CDH18: variants seen among roughly 807,000 people sequenced by gnomAD.
CDH18 encodes cadherin-18.
A neutral mutation model predicts 67.9 loss-of-function variants in CDH18; 31 were observed. That is an observed-to-expected ratio of 0.46 (90% CI 0.34 to 0.62). The LOEUF (loss-of-function observed/expected upper bound fraction) is 0.62, where lower values mean the gene tolerates loss of function less well. Among genes scored for constraint, CDH18 ranks in the 20% least tolerant of loss-of-function variants. The pLI, the probability that CDH18 is intolerant of heterozygous loss-of-function variation, is 0.01. For synonymous variants in CDH18, 362 were observed against 347.2 expected, an observed-to-expected ratio of 1.04 and a Z score of -0.48; for missense variants, 890 against 975.5, an observed-to-expected ratio of 0.91 and a Z score of 1.17.
intron 5 of CDH18, among the ~76,000 whole-genome samples, chr5:19,669,158 T>C (rs1401450086): frequency 2.7e-5 from 4 of 146,126 alleles, no homozygotes; most frequent in Admixed American, 2.1e-4. Flanking sequence ...TATAATATCA[T>C]ATATCATATA....
chr5:20,174,678 G>A (rs1449396852), intron 2 of CDH18, among the ~76,000 whole-genome samples: 1 of 152,082 alleles, frequency 6.6e-6, no homozygotes, highest in African/African-American at 2.4e-5. Flanking sequence ...AACAAAATAT[G>A]TCAACCATAT....
At chr5:20,279,334 A>G (rs760353907) in intron 1 of CDH18, among the ~76,000 whole-genome samples, 25 of 152,122 alleles carry the variant, frequency 1.6e-4, no homozygotes, top group Admixed American at 4.6e-4. Context: ...CAGAAAGTCA[A>G]TTCAGCAACA....
chr5:19,663,168 T>C (rs1757421598), intron 5 of CDH18, among the ~76,000 whole-genome samples: 1 of 152,004 alleles, frequency 6.6e-6, no homozygotes, highest in Admixed American at 6.6e-5. Context: ...TTCACATTGC[T>C]AATGGACATT....
rs10520865 is a variant in CDH18 at position 20,456,637 on chromosome 5, A to G, written c.-580+118825T>C. Among the ~76,000 whole-genome samples the G allele has an allele frequency of 9.0e-3, 1,366 of 152,320 alleles. 18 individuals carry two copies. The highest frequency in any genetic ancestry group is 0.031 in the African/African-American group (1,288 of 41,588). On this transcript the variant is annotated intron_variant, in intron 1 of 14. Transcript: ENST00000507958. ...AAATGGAATTTTCATAATGAATCAC[A>G]TAACTATCATTTATTCAGTTATTTG...
At chr5:20,299,043 T>G (rs888487991) in intron 1 of CDH18, among the ~76,000 whole-genome samples, 1 of 152,080 alleles carries the variant, frequency 6.6e-6, no homozygotes, top group Non-Finnish European at 1.5e-5. Context: ...ATGTAAAGAA[T>G]TATGAATCAT....
intron 1 of CDH18, among the ~76,000 whole-genome samples, chr5:20,274,813 G>GA (rs540242695): frequency 6.6e-6 from 1 of 151,986 alleles, no homozygotes; most frequent in Non-Finnish European, 1.5e-5. Flanking sequence ...ATACTTTATA[G>GA]AAAAAATATT....
At chr5:20,043,075 T>A (rs1740590733) in intron 2 of CDH18, among the ~76,000 whole-genome samples, 1 of 152,136 alleles carries the variant, frequency 6.6e-6, no homozygotes, top group Non-Finnish European at 1.5e-5. Context: ...AATTCTTTGA[T>A]GTGGGGGTTG....
intron 2 of CDH18, among the ~76,000 whole-genome samples, chr5:20,007,725 A>G (rs180806692): frequency 0.012 from 1,766 of 145,782 alleles, 14 homozygotes; most frequent in Non-Finnish European, 0.019. Flanking sequence ...GTCATAAGTC[A>G]TTGGGCCTGC....
intron 2 of CDH18, among the ~76,000 whole-genome samples, chr5:19,905,504 T>C (rs1790433421): frequency 6.6e-6 from 1 of 151,902 alleles, no homozygotes; most frequent in African/African-American, 2.4e-5. Flanking sequence ...AAAATATATA[T>C]AATTTATATG....
At chr5:20,393,418 G>A (rs181148643) in intron 1 of CDH18, among the ~76,000 whole-genome samples, 14 of 152,060 alleles carry the variant, frequency 9.2e-5, no homozygotes, top group African/African-American at 1.9e-4. Flanking sequence ...ACTAAAAGGC[G>A]TTCTCACTGC....
At chr5:20,415,966 T>C (rs988134741) in intron 1 of CDH18, among the ~76,000 whole-genome samples, 3 of 151,980 alleles carry the variant, frequency 2.0e-5, no homozygotes, top group Admixed American at 6.6e-5. Flanking sequence ...AACAGAATGG[T>C]GGTTGCCAGA....
At position 19,971,097 on chromosome 5, in the gene CDH18, A is replaced by AAATTAATCCATTTTAACCCT. The variant is rs774018191; in HGVS notation, c.-257+9943_-257+9962dup. On this transcript the variant is annotated intron_variant, in intron 2 of 12. Transcript: ENST00000382275. The stretch of plus-strand genomic sequence containing the variant: ...TCTTGAAAATAGCTCATTTTAAAGC[A>AAATTAATCCATTTTAACCCT]AATTAATCCATTTTAACCCTAATTA... 1.6e-3 allele frequency among the ~76,000 whole-genome samples: 239 copies of AAATTAATCCATTTTAACCCT among 152,094 alleles called. 1 individual carries two copies. Among genetic ancestry groups the AAATTAATCCATTTTAACCCT allele is most frequent in the Non-Finnish European group, 2.5e-3 (169 of 67,884 alleles).
At chr5:20,495,129 G>A (rs1753829405) in intron 1 of CDH18, among the ~76,000 whole-genome samples, 1 of 152,052 alleles carries the variant, frequency 6.6e-6, no homozygotes, top group African/African-American at 2.4e-5. Context: ...TGGCCTTGGA[G>A]TTTATCATTT....
intron 3 of CDH18, among the ~76,000 whole-genome samples, chr5:19,780,330 G>A (rs1162626362): frequency 1.3e-5 from 2 of 152,064 alleles, no homozygotes; most frequent in Non-Finnish European, 2.9e-5. Context: ...ACAGAAAAGA[G>A]TCCTTATTAT....
chr5:20,211,458 AC>A (rs1430319297), intron 2 of CDH18, among the ~76,000 whole-genome samples: 1 of 151,908 alleles, frequency 6.6e-6, no homozygotes, highest in East Asian at 1.9e-4. Context: ...TGGGTCCCTG[AC>A]CCCCCGAGTA....
chr5:19,643,475 T>C (rs925814580), intron 5 of CDH18, among the ~76,000 whole-genome samples: 2 of 152,170 alleles, frequency 1.3e-5, no homozygotes, highest in African/African-American at 4.8e-5. Context: ...GGTTTATTTA[T>C]GCAATGAAGT....
At chr5:20,146,906 A>T (rs1228400616) in intron 2 of CDH18, among the ~76,000 whole-genome samples, 1 of 152,080 alleles carries the variant, frequency 6.6e-6, no homozygotes, top group Non-Finnish European at 1.5e-5. Flanking sequence ...GGCATTATTT[A>T]CCATTTATTT....
At chr5:20,199,074 G>C (rs1266066927) in intron 2 of CDH18, among the ~76,000 whole-genome samples, 20 of 152,198 alleles carry the variant, frequency 1.3e-4, no homozygotes, top group Admixed American at 1.0e-3. Context: ...CAATGCAGCA[G>C]GGAAATGTGG....
intron 5 of CDH18, among the ~76,000 whole-genome samples, chr5:19,690,983 C>T (rs1580890304): frequency 6.6e-6 from 1 of 151,756 alleles, no homozygotes; most frequent in Non-Finnish European, 1.5e-5. Context: ...ACAAAAGCTA[C>T]AGGTTAATAT....
Sources: allele counts gnomAD v4.1 joint callset (sites outside exome capture counted in the v4.1 genomes callset), GRCh38; gene constraint gnomAD v4.1.1; transcripts MANE v1.5; gene names NCBI Gene and HGNC (gene_info 2026-07-23, HGNC 2026-07-21).